The following PTPRQ variants were observed in gnomAD, a reference collection of about 807,000 sequenced individuals.
PTPRQ encodes phosphatidylinositol phosphatase PTPRQ.
In PTPRQ, 199 loss-of-function variants were observed where a neutral mutation model predicts 246.0. That is an observed-to-expected ratio of 0.81 (90% CI 0.72 to 0.91). PTPRQ has a LOEUF of 0.91. Among genes scored for constraint, PTPRQ ranks in the 40% least tolerant of loss-of-function variants. The pLI, the probability that PTPRQ is intolerant of heterozygous loss-of-function variation, is 0.00. For synonymous variants in PTPRQ, 869 were observed against 853.2 expected (o/e 1.02, Z -0.32); for missense variants, 2,624 against 2,528.4 (o/e 1.04, Z -0.81).
chr12:80,552,643 A>AT (rs1200749136), intron 25 of PTPRQ, among the ~76,000 whole-genome samples: 1 of 20,062 alleles, frequency 5.0e-5, no homozygotes, highest in Non-Finnish European at 1.6e-4. Flanking sequence ...AAAAAAAAAA[A>AT]ATTATATATA....
intron 25 of PTPRQ, among the ~76,000 whole-genome samples, chr12:80,551,947 A>G (rs1896486990): frequency 6.6e-6 from 1 of 151,786 alleles, no homozygotes; most frequent in Admixed American, 6.6e-5. Context: ...CTGTATTATT[A>G]TTTTCCCTTT....
chr12:80,631,714 G>A (rs528471486), intron 33 of PTPRQ, among the ~76,000 whole-genome samples: 2 of 152,298 alleles, frequency 1.3e-5, no homozygotes, highest in South Asian at 4.1e-4. Context: ...CTATGAAAGA[G>A]AGTCAAAGAT....
At chr12:80,540,269 G>A (rs1383570110) in intron 20 of PTPRQ, among the ~76,000 whole-genome samples, 3 of 151,882 alleles carry the variant, frequency 2.0e-5, no homozygotes, top group Non-Finnish European at 2.9e-5. Context: ...TTTTCCTTAA[G>A]GACTTAAAAA....
At chr12:80,670,538 A>G (rs1900937954) in intron 42 of PTPRQ, 46 bp downstream of exon 42, 1 of 1,426,782 alleles carries the variant, frequency 7.0e-7, no homozygotes, top group Non-Finnish European at 9.2e-7. Context: ...TGGTCTTTTT[A>G]TTATTAAAAT....
chr12:80,590,546 T>C (rs1592693033), intron 26 of PTPRQ, among the ~76,000 whole-genome samples: 1 of 151,448 alleles, frequency 6.6e-6, no homozygotes, highest in East Asian at 2.0e-4. Context: ...CAGGTGCCTG[T>C]AGTCCCAGCT....
At chr12:80,610,059 C>G (rs1392464559) in intron 27 of PTPRQ, among the ~76,000 whole-genome samples, 1 of 150,388 alleles carries the variant, frequency 6.6e-6, no homozygotes, top group Admixed American at 6.7e-5. Flanking sequence ...TCAAATACTA[C>G]AGGAGCTATA....
chr12:80,590,699 A>G (rs1395982333), intron 26 of PTPRQ, among the ~76,000 whole-genome samples: 1 of 150,690 alleles, frequency 6.6e-6, no homozygotes, highest in Non-Finnish European at 1.5e-5. Flanking sequence ...AAACTATCCA[A>G]TGTACTCCCA....
intron 9 of PTPRQ, among the ~76,000 whole-genome samples, chr12:80,486,850 T>C (rs1256764814): frequency 6.6e-6 from 1 of 152,168 alleles, no homozygotes; most frequent in East Asian, 1.9e-4. Context: ...TGTTCTTATC[T>C]CCTTCAAAAT....
intron 8 of PTPRQ, among the ~76,000 whole-genome samples, chr12:80,473,055 A>ACACGCGCGCG (rs1337309673): frequency 5.0e-4 from 76 of 150,558 alleles, no homozygotes; most frequent in African/African-American, 1.8e-3. Context: ...ACGCACACAC[A>ACACGCGCGCG]CACACACACA....
chr12:80,646,039 A>G (rs1200807866), intron 35 of PTPRQ, among the ~76,000 whole-genome samples: 1 of 152,190 alleles, frequency 6.6e-6, no homozygotes, highest in African/African-American at 2.4e-5. Flanking sequence ...TTAGCACAAT[A>G]TAGTCTATCC....
At chr12:80,617,769 G>A (rs140360552) in intron 30 of PTPRQ, among the ~76,000 whole-genome samples, 34 of 151,494 alleles carry the variant, frequency 2.2e-4, no homozygotes, top group Middle Eastern at 3.4e-3. Flanking sequence ...TTTTATTAAT[G>A]ATGTGGAATA....
Position 80,457,692 on chromosome 12 carries a change from C to T in PTPRQ, c.460+48C>T, listed in dbSNP as rs373653134. The T allele has an allele frequency of 3.9e-4, 157 of 399,042 alleles. 1 individual carries two copies. The South Asian group carries it at 0.018, about 45-fold the overall frequency. The allele number at this position is 399,042 out of a possible 1,614,324, so 24.7% of individuals were successfully genotyped here. ...TAAATTGACTTAGTCATGAGTTTGTCGTTTAAAATAATAAAGAACATAAAT... is the reference window on the plus strand; with the variant it reads ...TAAATTGACTTAGTCATGAGTTTGTTGTTTAAAATAATAAAGAACATAAAT... On this transcript the variant is annotated intron_variant, in intron 4 of 44. Coordinates refer to ENST00000644991, the MANE Select transcript of PTPRQ (RefSeq NM_001145026.2).
rs1020596223 is a variant in PTPRQ, at chr12:80,505,633, C to T, written c.2273-391C>T. ...CTTGCCTTGTCACAGACCTTGCTGT[C>T]GACCAAAACTAACCTACTGATCTTT... On this transcript the variant is annotated intron_variant, in intron 14 of 44. Transcript: ENST00000644991. Among the ~76,000 whole-genome samples the T allele has an allele frequency of 4.6e-5, 7 of 151,906 alleles. No individual in the cohort carries two copies. In the East Asian group the frequency reaches 7.7e-4, roughly 17 times the overall value.
chr12:80,445,775 T>G (rs1284158561), intron 3 of PTPRQ, 58 bp downstream of exon 3: 1 of 1,246,272 alleles, frequency 8.0e-7, no homozygotes, highest in Non-Finnish European at 1.1e-6. Flanking sequence ...TTTAAAAGTG[T>G]GGGAGGTTTT....
At position 80,645,645 on chromosome 12, in the gene PTPRQ, G is replaced by T. The variant is rs547207602; in HGVS notation, c.5916-3252G>T. The stretch of plus-strand genomic sequence containing the variant: ...TAAATAGCCATAATACAACATAGAA[G>T]ATGATTTGTCCTTGGAAATTTGATT... On this transcript the variant is annotated intron_variant, in intron 35 of 44. Transcript: ENST00000644991. Among the ~76,000 whole-genome samples, 5 of 151,768 alleles carry T rather than the reference G, an allele frequency of 3.3e-5. 1 individual carries two copies. Among genetic ancestry groups the T allele is most frequent in the African/African-American group, 1.2e-4 (5 of 41,374 alleles).
intron 25 of PTPRQ, among the ~76,000 whole-genome samples, chr12:80,571,149 C>G (rs902157472): frequency 9.2e-5 from 14 of 152,086 alleles, no homozygotes; most frequent in Non-Finnish European, 1.5e-5. Context: ...AGGGGGATAG[C>G]ACTGAATCTA....
chr12:80,584,014 CTT>C (rs1299882419), intron 25 of PTPRQ: 2 of 152,334 alleles, frequency 1.3e-5, no homozygotes, highest in Admixed American at 1.3e-4. Flanking sequence ...GAATCCATCT[CTT>C]TAAAGCTTTG....
intron 3 of PTPRQ, among the ~76,000 whole-genome samples, chr12:80,452,659 C>G (rs10746167): frequency 3.8e-4 from 58 of 152,170 alleles, no homozygotes; most frequent in Non-Finnish European, 3.5e-4. Flanking sequence ...TTCTGGGTTG[C>G]AAATTCTTTT....
At chr12:80,640,169 T>C (rs972339101) in intron 35 of PTPRQ, among the ~76,000 whole-genome samples, 62 of 152,140 alleles carry the variant, frequency 4.1e-4, no homozygotes, top group African/African-American at 1.4e-3. Context: ...AGAATGAGTC[T>C]AAAGAAAGAG....
Sources: gnomAD v4.1 joint callset for allele counts (sites outside exome capture counted in the v4.1 genomes callset) on GRCh38, gnomAD v4.1.1 for gene constraint, MANE v1.5 for transcripts, NCBI Gene and HGNC (gene_info 2026-07-23, HGNC 2026-07-21) for gene names.